Variants in CPNE4 observed in about 807,000 individuals in gnomAD.
CPNE4 encodes copine-4.
A neutral mutation model predicts 67.9 loss-of-function variants in CPNE4; 25 were observed. That is an observed-to-expected ratio of 0.37 (90% CI 0.27 to 0.51). The LOEUF is 0.51. Among genes scored for constraint, CPNE4 ranks in the 20% least tolerant of loss-of-function variants. CPNE4 has a pLI of 0.93. For synonymous variants in CPNE4, 242 were observed against 244.9 expected, an observed-to-expected ratio of 0.99 and a Z score of 0.11; for missense variants, 464 against 690.8, an observed-to-expected ratio of 0.67 and a Z score of 3.68.
chr3:131,643,606 A>T (rs2079590343), intron 7 of CPNE4, among the ~76,000 whole-genome samples: 1 of 152,116 alleles, frequency 6.6e-6, no homozygotes, highest in Non-Finnish European at 1.5e-5. Context: ...AGGACATGAG[A>T]TTTGGAAGGG....
intron 1 of CPNE4, among the ~76,000 whole-genome samples, chr3:131,983,516 G>A (rs978021898): frequency 2.0e-5 from 3 of 152,158 alleles, no homozygotes; most frequent in Non-Finnish European, 1.5e-5. Context: ...AAATTCCAAA[G>A]TCTTCCAGTT....
At chr3:131,809,724 A>G (rs756577587) in intron 2 of CPNE4, among the ~76,000 whole-genome samples, 5 of 152,146 alleles carry the variant, frequency 3.3e-5, no homozygotes, top group Non-Finnish European at 7.4e-5. Flanking sequence ...GAATGAGAAA[A>G]GGTAATATCA....
At chr3:131,909,306 C>A (rs1469869285) in intron 1 of CPNE4, among the ~76,000 whole-genome samples, 1 of 152,136 alleles carries the variant, frequency 6.6e-6, no homozygotes, top group African/African-American at 2.4e-5. Flanking sequence ...CTTTCCAAAG[C>A]ATCAGCTGGC....
At position 131,991,150 on chromosome 3, in the gene CPNE4, G is replaced by T. The variant is rs574507130; in HGVS notation, c.-2+43417C>A. Among the ~76,000 whole-genome samples the T allele has an allele frequency of 3.7e-5, 5 of 136,082 alleles. 2 individuals carry two copies. In the East Asian group the frequency reaches 1.2e-3, roughly 32 times the overall value. The allele number at this position is 136,082 out of a possible 152,430, so 89.3% of individuals were successfully genotyped here. On this transcript the variant is annotated intron_variant, in intron 1 of 15. Coordinates refer to ENST00000429747, the MANE Select transcript of CPNE4 (RefSeq NM_130808.3). ...GAATGGACTAATACAGTAAATTGGT[G>T]CTGAAGGAGTAGGGCATGGCTATAA...
intron 2 of CPNE4, among the ~76,000 whole-genome samples, chr3:131,785,166 C>A (rs1419066776): frequency 2.0e-5 from 3 of 152,080 alleles, no homozygotes; most frequent in African/African-American, 7.2e-5. Context: ...TTATTTAATC[C>A]TTGCAATTCT....
chr3:131,547,385 G>T (rs1196735953), intron 14 of CPNE4, among the ~76,000 whole-genome samples: 2 of 131,434 alleles, frequency 1.5e-5, no homozygotes, highest in Admixed American at 9.3e-5. Context: ...AGCCCAAAAG[G>T]TTCAAAGCTG....
At position 131,723,553 on chromosome 3, in the gene CPNE4, A is replaced by G; in HGVS notation, c.253T>C (p.Phe85Leu). ...AACCGCAGGCGCTGCACCTCCTCAA[A>G]GTAAAAGTCCACAGTAAACAGTTTT... ...YSKLFTVDFY[F>L]EEVQRLRFEV... is the part of the protein sequence containing the mutation. Residue 85 changes from phenylalanine to leucine, a missense_variant, in exon 3 of 16, where the codon TTT becomes CTT. By Grantham distance (22) the Phe-to-Leu change is conservative (BLOSUM62 0). Coordinates refer to ENST00000429747, the MANE Select transcript of CPNE4 (RefSeq NM_130808.3). The G allele has an allele frequency of 1.2e-6, 2 of 1,614,142 alleles. No homozygotes were observed. Among genetic ancestry groups the G allele is most frequent in the Non-Finnish European group, 1.7e-6 (2 of 1,180,018 alleles).
intron 7 of CPNE4, among the ~76,000 whole-genome samples, chr3:131,653,555 A>G (rs1318149521): frequency 6.6e-6 from 1 of 152,158 alleles, no homozygotes; most frequent in East Asian, 1.9e-4. Context: ...ATATGACCAC[A>G]TCACTCCTCT....
At chr3:131,789,323 G>A (rs1246359425) in intron 2 of CPNE4, among the ~76,000 whole-genome samples, 1 of 152,122 alleles carries the variant, frequency 6.6e-6, no homozygotes, top group African/African-American at 2.4e-5. Context: ...TACTCTCAGA[G>A]ACTCACATTC....
intron 3 of CPNE4, among the ~76,000 whole-genome samples, chr3:131,703,656 G>A (rs986220515): frequency 8.5e-5 from 13 of 152,244 alleles, no homozygotes; most frequent in South Asian, 4.1e-4. Flanking sequence ...GAAGTCTTTC[G>A]AAACAGTCAT....
At chr3:131,989,105 T>G (rs1183526568) in intron 1 of CPNE4, among the ~76,000 whole-genome samples, 1 of 152,222 alleles carries the variant, frequency 6.6e-6, no homozygotes, top group Non-Finnish European at 1.5e-5. Context: ...ATTTTAAAGG[T>G]GTGTTCAAAG....
intron 7 of CPNE4, among the ~76,000 whole-genome samples, chr3:131,655,773 C>T (rs9823146): frequency 0.89 from 135,570 of 152,094 alleles, 61,047 homozygotes; most frequent in Non-Finnish European, 0.96. Context: ...TTTGTCTCAC[C>T]CACCCCACAT....
At chr3:131,927,760 C>A (rs541283484) in intron 1 of CPNE4, among the ~76,000 whole-genome samples, 10 of 152,134 alleles carry the variant, frequency 6.6e-5, no homozygotes, top group Non-Finnish European at 1.5e-4. Flanking sequence ...TTTTCTCTGC[C>A]TGTCTCTACT....
intron 1 of CPNE4, among the ~76,000 whole-genome samples, chr3:131,947,387 TCCTC>T (rs2071584103): frequency 6.6e-6 from 1 of 152,130 alleles, no homozygotes; most frequent in Admixed American, 6.6e-5. Flanking sequence ...TTCTCCCCTT[TCCTC>T]CCACCCCCCA....
intron 2 of CPNE4, among the ~76,000 whole-genome samples, chr3:131,790,798 CAAATTTGCCTTCT>C (rs2083696789): frequency 6.6e-6 from 1 of 152,290 alleles, no homozygotes; most frequent in African/African-American, 2.4e-5. Context: ...CAAAAACATA[CAAATTTGCCTTCT>C]TTAACAAATT....
chr3:131,902,921 C>T (rs1033825488), intron 2 of CPNE4, among the ~76,000 whole-genome samples: 1 of 152,052 alleles, frequency 6.6e-6, no homozygotes, highest in African/African-American at 2.4e-5. Context: ...TTTATATTTA[C>T]ATTCTAAGCC....
rs570741523 is a variant in CPNE4 at position 131,757,618 on chromosome 3, C to T, written c.181-33993G>A. Among the ~76,000 whole-genome samples the T allele has an allele frequency of 8.5e-4, 129 of 152,268 alleles. 1 individual carries two copies. Among genetic ancestry groups the T allele is most frequent in the African/African-American group, 3.0e-3 (125 of 41,540 alleles). ...CCATTTTCTGAGAAGAAATTCAAGC[C>T]GGCTGCAGAAATTTGCATAAGTAGC... On this transcript the variant is annotated intron_variant, in intron 2 of 15. Coordinates refer to ENST00000429747, the MANE Select transcript of CPNE4 (RefSeq NM_130808.3).
chr3:132,023,048 AC>A (rs1560802142), intron 1 of CPNE4, among the ~76,000 whole-genome samples: 1 of 152,230 alleles, frequency 6.6e-6, no homozygotes. Context: ...TGTCTGAACA[AC>A]CACGGACCAT....
chr3:131,669,249 T>C (rs752020370), intron 7 of CPNE4, among the ~76,000 whole-genome samples: 4 of 152,176 alleles, frequency 2.6e-5, no homozygotes, highest in Non-Finnish European at 4.4e-5. Flanking sequence ...AACAGAAGAA[T>C]CACCTAGATT....
Sources: allele counts gnomAD v4.1 joint callset (sites outside exome capture counted in the v4.1 genomes callset), GRCh38; gene constraint gnomAD v4.1.1; transcripts MANE v1.5; gene names NCBI Gene and HGNC (gene_info 2026-07-23, HGNC 2026-07-21).